The following SYT1 variants were observed in gnomAD, a reference collection of about 807,000 sequenced individuals.
SYT1 encodes synaptotagmin-1.
Under a neutral mutation model 44.8 loss-of-function variants are expected in SYT1, and 8 were observed. The ratio of observed to expected loss-of-function variants is 0.18; its 90% CI spans 0.10 to 0.32. SYT1 has a LOEUF of 0.32. Ranked by LOEUF, SYT1 falls within the 10% of genes least tolerant of loss-of-function variation. The pLI is 1.00. For missense variants in SYT1, 286 were observed against 509.3 expected (o/e 0.56, Z 4.22); for synonymous variants, 154 against 188.8 (o/e 0.82, Z 1.51).
chr12:79,166,373 G>T (rs1871224185), intron 3 of SYT1, among the ~76,000 whole-genome samples: 1 of 151,844 alleles, frequency 6.6e-6, no homozygotes, highest in South Asian at 2.1e-4. Context: ...GCAATGCATA[G>T]AATAGAATTC....
chr12:79,425,513 C>T (rs945564021), intron 9 of SYT1, among the ~76,000 whole-genome samples: 1 of 152,064 alleles, frequency 6.6e-6, no homozygotes, highest in East Asian at 1.9e-4. Context: ...TCCTTATGCC[C>T]AAAATCACAT....
chr12:78,961,008 T>C (rs901891327), intron 1 of SYT1, among the ~76,000 whole-genome samples: 1 of 152,220 alleles, frequency 6.6e-6, no homozygotes, highest in Non-Finnish European at 1.5e-5. Context: ...ATATATTCAT[T>C]CTACCTTTCT....
intron 2 of SYT1, among the ~76,000 whole-genome samples, chr12:78,981,125 G>GTTTTTTTTTTTTTTTTTTT (rs1171068435): frequency 8.2e-6 from 1 of 122,696 alleles, no homozygotes; most frequent in Non-Finnish European, 1.7e-5. Flanking sequence ...TTGTTTCTTT[G>GTTTTTTTTTTTTTTTTTTT]TTTTTTTTTT....
At chr12:78,995,785 T>C (rs1301782083) in intron 2 of SYT1, 1 of 152,176 alleles carries the variant, frequency 6.6e-6, no homozygotes, top group African/African-American at 2.4e-5. Flanking sequence ...GCCCAATTCC[T>C]GCAGTTGTTG....
intron 4 of SYT1, among the ~76,000 whole-genome samples, chr12:79,246,887 T>C (rs1213844772): frequency 1.3e-5 from 2 of 152,174 alleles, no homozygotes; most frequent in East Asian, 3.8e-4. Context: ...GATGCCTTGA[T>C]TTCTTTTTAT....
At chr12:79,065,458 T>A (rs554853581) in intron 3 of SYT1, among the ~76,000 whole-genome samples, 164 of 152,290 alleles carry the variant, frequency 1.1e-3, no homozygotes, top group African/African-American at 3.6e-3. Flanking sequence ...GAGGATGCTT[T>A]CTTGTCTGCT....
At chr12:79,350,360 C>T (rs1882842528) in intron 8 of SYT1, among the ~76,000 whole-genome samples, 1 of 148,634 alleles carries the variant, frequency 6.7e-6, no homozygotes, top group Non-Finnish European at 1.5e-5. Context: ...TCACACCATT[C>T]TCCTGCCTCA....
chr12:79,071,984 C>G (rs1876312942), intron 3 of SYT1, among the ~76,000 whole-genome samples: 1 of 152,050 alleles, frequency 6.6e-6, no homozygotes, highest in Non-Finnish European at 1.5e-5. Context: ...CACTGGATTT[C>G]TGCCATTCTG....
intron 3 of SYT1, among the ~76,000 whole-genome samples, chr12:79,210,011 C>T (rs1434424206): frequency 2.0e-5 from 3 of 152,096 alleles, no homozygotes; most frequent in Non-Finnish European, 4.4e-5. Context: ...AAATACAATA[C>T]TTAAATAGAG....
chr12:79,285,807 G>C lies in SYT1; in HGVS notation c.187G>C (p.Ala63Pro). 1 of 1,608,352 alleles carries C rather than the reference G, an allele frequency of 6.2e-7. No individual in the cohort carries two copies. The change falls in exon 5 of 11, where the codon GCA (alanine) becomes CCA (proline). Residue 63 changes from alanine to proline, a missense_variant. Coordinates refer to ENST00000261205, the MANE Select transcript of SYT1 (RefSeq NM_005639.3). ...TTCAGTGCCACCGTGGGCCTTAATT[G>C]CAATAGCCATAGTCGCAGTCCTTTT... ...KIPLPPWALI[A>P]IAIVAVLLVL...
At chr12:79,159,763 G>C (rs552263288) in intron 3 of SYT1, among the ~76,000 whole-genome samples, 76 of 152,152 alleles carry the variant, frequency 5.0e-4, no homozygotes, top group African/African-American at 1.8e-3. Flanking sequence ...AGGCACCATC[G>C]ACTGTAGAGC....
At chr12:79,348,036 G>A (rs1052275619) in intron 8 of SYT1, among the ~76,000 whole-genome samples, 19 of 152,160 alleles carry the variant, frequency 1.2e-4, no homozygotes, top group African/African-American at 4.1e-4. Flanking sequence ...TGTTTGGCAT[G>A]TTTTGGAAAG....
intron 4 of SYT1, among the ~76,000 whole-genome samples, chr12:79,243,153 C>T (rs966229768): frequency 6.6e-5 from 10 of 152,290 alleles, no homozygotes; most frequent in Non-Finnish European, 1.0e-4. Context: ...TACCTCCCAT[C>T]GGGTCCCTCC....
intron 4 of SYT1, among the ~76,000 whole-genome samples, chr12:79,259,100 A>G (rs1271413036): frequency 6.6e-6 from 1 of 152,236 alleles, no homozygotes; most frequent in East Asian, 1.9e-4. Context: ...AAGATTTCAC[A>G]TAAAACTAGG....
chr12:78,874,739 C>G (rs1873979398), intron 1 of SYT1, among the ~76,000 whole-genome samples: 1 of 151,530 alleles, frequency 6.6e-6, no homozygotes, highest in Admixed American at 6.6e-5. Context: ...GAGCTCACAC[C>G]ATGTGGTCAG....
chr12:79,160,559 A>C (rs1870887103), intron 3 of SYT1, among the ~76,000 whole-genome samples: 1 of 152,144 alleles, frequency 6.6e-6, no homozygotes, highest in Non-Finnish European at 1.5e-5. Flanking sequence ...TTAGGTATTG[A>C]GAGAAAAATG....
intron 8 of SYT1, among the ~76,000 whole-genome samples, chr12:79,320,149 T>A (rs1881284735): frequency 6.6e-6 from 1 of 152,182 alleles, no homozygotes; most frequent in Admixed American, 6.5e-5. Context: ...AATTTAAAAC[T>A]TTTTAAAGAA....
chr12:79,103,073 A>G (rs1433363566), intron 3 of SYT1: 2 of 152,188 alleles, frequency 1.3e-5, no homozygotes, highest in Middle Eastern at 3.2e-3. Flanking sequence ...TTCAAATTGG[A>G]TTTCATTATT....
At chr12:78,947,370 C>T (rs1015047314) in intron 1 of SYT1, among the ~76,000 whole-genome samples, 18 of 151,934 alleles carry the variant, frequency 1.2e-4, no homozygotes, top group Admixed American at 6.6e-4. Context: ...ATGTGCGCAT[C>T]GTGACCTAGA....
Sources: allele counts gnomAD v4.1 joint callset (sites outside exome capture counted in the v4.1 genomes callset), GRCh38; gene constraint gnomAD v4.1.1; transcripts MANE v1.5; gene names NCBI Gene and HGNC (gene_info 2026-07-23, HGNC 2026-07-21).